Variants in SEC61A2 observed in about 807,000 individuals in gnomAD.
SEC61A2 encodes SEC61 translocon subunit alpha 2, also known as protein transport protein Sec61 subunit alpha isoform 2.
Under a neutral mutation model 59.9 loss-of-function variants are expected in SEC61A2, and 28 were observed. That is an observed-to-expected ratio of 0.47 (90% CI 0.35 to 0.64). The LOEUF (loss-of-function observed/expected upper bound fraction) is 0.64, where lower values mean the gene tolerates loss of function less well. Ranked by LOEUF, SEC61A2 falls within the 30% of genes least tolerant of loss-of-function variation. SEC61A2 has a pLI of 0.01. For synonymous variants in SEC61A2, 202 were observed against 214.4 expected, an observed-to-expected ratio of 0.94 and a Z score of 0.50; for missense variants, 340 against 585.9, an observed-to-expected ratio of 0.58 and a Z score of 4.33.
intron 2 of SEC61A2, among the ~76,000 whole-genome samples, chr10:12,135,189 A>G (rs1833857853): frequency 6.6e-6 from 1 of 152,016 alleles, no homozygotes; most frequent in Non-Finnish European, 1.5e-5. Flanking sequence ...TAGGACAAAT[A>G]CTAATGCATG....
In SEC61A2 at chr10:12,160,760, A is replaced by G. The variant is rs1366638075; in HGVS notation, c.976-170A>G. Among the ~76,000 whole-genome samples, 1 of 152,244 alleles carries G rather than the reference A, an allele frequency of 6.6e-6. No individual in the cohort carries two copies. The highest frequency in any genetic ancestry group is 1.5e-5 in the Non-Finnish European group (1 of 68,042). ...AATAGGTGTTCATCGTATAACTTTG[A>G]AGGAGTGAAGGTAGTAGACACAAAA... On this transcript the variant is annotated intron_variant, in intron 9 of 11. Transcript: ENST00000298428. This position sits in a 1 kb window ranked among gnomAD's most constrained non-coding sequence, Gnocchi z 4.1.
chr10:12,133,594 G>T (rs796509877), intron 2 of SEC61A2, among the ~76,000 whole-genome samples: 1 of 152,230 alleles, frequency 6.6e-6, no homozygotes, highest in Non-Finnish European at 1.5e-5. Flanking sequence ...TCTCCTGTCT[G>T]TAGTGATCCT....
rs1588643745 is a variant in SEC61A2 at position 12,157,034 on chromosome 10, A to T, written c.744A>T (p.Thr248=). Residue 248 remains threonine, a synonymous_variant, in exon 8 of 12, where the codon ACA becomes ACT. Transcript: ENST00000298428. The stretch of plus-strand genomic sequence containing the variant: ...CCAATCTCATGAACCTCATTGCTAC[A>T]GTTTTTGTGTTTGCTGTTGTTATAT... ...NLPNLMNLIA[T]VFVFAVVIYF... is the part of the protein sequence containing the mutation. 2.5e-6 allele frequency: 4 copies of T among 1,614,134 alleles called. No homozygotes were observed. Among genetic ancestry groups the T allele is most frequent in the Non-Finnish European group, 3.4e-6 (4 of 1,180,018 alleles).
chr10:12,135,864 A>G (rs1833870361), intron 2 of SEC61A2, among the ~76,000 whole-genome samples: 1 of 152,198 alleles, frequency 6.6e-6, no homozygotes, highest in African/African-American at 2.4e-5. Context: ...TCCAGTCATC[A>G]AGAAGCATCT....
chr10:12,129,775 C>G lies in SEC61A2; in HGVS notation c.-13C>G, dbSNP rs1833683872. 1 of 1,486,198 alleles carries G rather than the reference C, an allele frequency of 6.7e-7. No homozygotes were observed. The highest frequency in any genetic ancestry group is 1.3e-5 in the South Asian group (1 of 78,464). 92.1% of individuals were successfully genotyped at this position (1,486,198 alleles called of 1,614,324 possible). A position where few individuals can be genotyped will look rare whatever the true frequency, so the allele number is the denominator to read the frequency against. On this transcript the variant is annotated 5_prime_UTR_variant, in exon 1 of 12. Coordinates refer to ENST00000298428, the MANE Select transcript of SEC61A2 (RefSeq NM_018144.4). This position sits in a 1 kb window ranked among gnomAD's most constrained non-coding sequence, Gnocchi z 5.6. ...AGGCCGCGGTTTCCCCCTGGGCCTCCCCAGCAGCAGCCATGGGCAGTGAGT... is the reference window on the plus strand; with the variant it reads ...AGGCCGCGGTTTCCCCCTGGGCCTCGCCAGCAGCAGCCATGGGCAGTGAGT...
chr10:12,165,502 T>C (rs1329815618), downstream of SEC61A2: 3 of 323,018 alleles, frequency 9.3e-6, no homozygotes, highest in African/African-American at 6.8e-5. Context: ...CTTCAAACTT[T>C]AATCCTAAAT....
In SEC61A2 at chr10:12,155,209, C is replaced by T; in HGVS notation, c.463-569C>T. 1 of 723,106 alleles carries T rather than the reference C, an allele frequency of 1.4e-6. No individual in the cohort carries two copies. The highest frequency in any genetic ancestry group is 2.0e-6 in the Non-Finnish European group (1 of 507,862). The allele number at this position is 723,106 out of a possible 1,614,324, so 44.8% of individuals were successfully genotyped here. ...TATAGAATGCATTTTTACATTGCTG[C>T]TCGAGTACGTATTTGAGTACATATT... On this transcript the variant is annotated intron_variant, in intron 6 of 11. Transcript: ENST00000298428. This position sits in a 1 kb window ranked among gnomAD's most constrained non-coding sequence, Gnocchi z 4.3.
In SEC61A2 at chr10:12,155,654, G is replaced by A. The variant is rs1273555646; in HGVS notation, c.463-124G>A. ...AAAAGATGCAGTTGGTCATCACAGTGAGATTGCAACGATCAGGCCTTAATA... is the reference window on the plus strand; with the variant it reads ...AAAAGATGCAGTTGGTCATCACAGTAAGATTGCAACGATCAGGCCTTAATA... On this transcript the variant is annotated intron_variant, in intron 6 of 11. Coordinates refer to ENST00000298428, the MANE Select transcript of SEC61A2 (RefSeq NM_018144.4). The surrounding 1 kb of genome is among the most constrained non-coding windows in gnomAD (Gnocchi z 4.3). The A allele has an allele frequency of 3.6e-6, 4 of 1,116,082 alleles. No homozygotes were observed. The highest frequency in any genetic ancestry group is 5.3e-6 in the Non-Finnish European group (4 of 758,524). The allele number at this position is 1,116,082 out of a possible 1,614,324, so 69.1% of individuals were successfully genotyped here. A position where few individuals can be genotyped will look rare whatever the true frequency, so the allele number is the denominator to read the frequency against.
intron 1 of SEC61A2, among the ~76,000 whole-genome samples, chr10:12,132,906 G>A (rs1833793196): frequency 6.6e-6 from 1 of 152,178 alleles, no homozygotes; most frequent in African/African-American, 2.4e-5. Context: ...ATACAAGTGT[G>A]AGGAAGAAAG....
In SEC61A2 at chr10:12,162,254, C is replaced by T. The variant is rs572292735; in HGVS notation, c.1209C>T (p.Gly403=). ...QLKEQQMVMR[G]HRDTSMVHEL... ...AAGAACAGCAGATGGTAATGAGGGGCCACCGAGATACCTCTATGGTTCATG... is the reference window on the plus strand; with the variant it reads ...AAGAACAGCAGATGGTAATGAGGGGTCACCGAGATACCTCTATGGTTCATG... The change falls in exon 11 of 12, where the codon GGC becomes GGT. Residue 403 remains glycine (G), a synonymous_variant. Coordinates refer to ENST00000298428, the MANE Select transcript of SEC61A2 (RefSeq NM_018144.4). The surrounding 1 kb of genome is among the most constrained non-coding windows in gnomAD (Gnocchi z 6.1). 2.6e-5 allele frequency: 42 copies of T among 1,613,764 alleles called. 1 individual carries two copies. In the Middle Eastern group the frequency reaches 8.2e-4, roughly 32 times the overall value.
intron 2 of SEC61A2, among the ~76,000 whole-genome samples, chr10:12,133,838 C>G (rs927692205): frequency 6.6e-6 from 1 of 152,208 alleles, no homozygotes; most frequent in South Asian, 2.1e-4. Flanking sequence ...TCCATCATTG[C>G]AAACTTTCAG....
rs760023671 is a variant in SEC61A2, at chr10:12,156,982, G to A, written c.692G>A (p.Arg231Gln). Residue 231 changes from arginine to glutamine, a missense_variant, in exon 8 of 12, where the codon CGG becomes CAG. This residue lies in a region of SEC61A2 where 283 missense variants were observed against 483.2 expected (regional missense o/e 0.59). Transcript: ENST00000298428. This position sits in a 1 kb window ranked among gnomAD's most constrained non-coding sequence, Gnocchi z 5.2. Reference sequence around the variant, plus strand: ...AGGACGGACAAAGTCCGAGCTTTACGGGAGGCTTTTTATCGGCAGAACTTA... The same window carrying A: ...AGGACGGACAAAGTCCGAGCTTTACAGGAGGCTTTTTATCGGCAGAACTTA... ...ATRTDKVRAL[R>Q]EAFYRQNLPN... The A allele has an allele frequency of 1.1e-5, 17 of 1,614,050 alleles. No individual in the cohort carries two copies. Among genetic ancestry groups the A allele is most frequent in the East Asian group, 2.2e-5 (1 of 44,882 alleles).
rs556256074 is a variant in SEC61A2 at position 12,140,065 on chromosome 10, T to C, written c.142-3052T>C. Among the ~76,000 whole-genome samples, 6 of 152,234 alleles carry C rather than the reference T, an allele frequency of 3.9e-5. No individual in the cohort carries two copies. In the East Asian group the frequency reaches 1.2e-3, roughly 29 times the overall value. ...CAGGGGTGTGGGCAGTGAGCTTTTG[T>C]AGCAGAAGTAAAGAATTGCAGAAGT... On this transcript the variant is annotated intron_variant, in intron 3 of 11. Coordinates refer to ENST00000298428, the MANE Select transcript of SEC61A2 (RefSeq NM_018144.4).
chr10:12,135,567 G>A (rs1412494295), intron 2 of SEC61A2, among the ~76,000 whole-genome samples: 2 of 152,104 alleles, frequency 1.3e-5, no homozygotes, highest in South Asian at 2.1e-4. Context: ...CCCAGATAAC[G>A]TTCATTGTAC....
At position 12,149,769 on chromosome 10, in the gene SEC61A2, G is replaced by C; in HGVS notation, c.352+43G>C. 1.2e-6 allele frequency: 2 copies of C among 1,606,068 alleles called. No individual in the cohort carries two copies. The highest frequency in any genetic ancestry group is 1.7e-6 in the Non-Finnish European group (2 of 1,175,528). On this transcript the variant is annotated intron_variant, in intron 5 of 11. Transcript: ENST00000298428. The surrounding 1 kb of genome is among the most constrained non-coding windows in gnomAD (Gnocchi z 5.2). Reference sequence around the variant, plus strand: ...TAAAGAGCATTCTCCAAATTTGAGAGTGCTCGTGGTAAAGATGTTTTCTCT... The same window carrying C: ...TAAAGAGCATTCTCCAAATTTGAGACTGCTCGTGGTAAAGATGTTTTCTCT...
At position 12,162,514 on chromosome 10, in the gene SEC61A2, G is replaced by C; in HGVS notation, c.1244+225G>C. 1 of 711,884 alleles carries C rather than the reference G, an allele frequency of 1.4e-6. No individual in the cohort carries two copies. Among genetic ancestry groups the C allele is most frequent in the Non-Finnish European group, 2.6e-6 (1 of 383,352 alleles). The allele number at this position is 711,884 out of a possible 1,614,324, so 44.1% of individuals were successfully genotyped here. On this transcript the variant is annotated intron_variant, in intron 11 of 11. Coordinates refer to ENST00000298428, the MANE Select transcript of SEC61A2 (RefSeq NM_018144.4). The surrounding 1 kb of genome is among the most constrained non-coding windows in gnomAD (Gnocchi z 6.1). ...CTCATCCCAGTGATAAAATCTTGCA[G>C]ATCAGTGCTGTTCTCAGCATTGGCT... is the stretch of plus-strand genomic sequence containing the variant.
intron 2 of SEC61A2, among the ~76,000 whole-genome samples, chr10:12,134,229 G>C (rs11257554): frequency 0.016 from 1,838 of 111,976 alleles, 25 homozygotes; most frequent in East Asian, 0.1. Flanking sequence ...GGATGGTCTC[G>C]ATCTCCTGAC....
Position 12,161,990 on chromosome 10 carries a change from A to G in SEC61A2, c.1168-223A>G, listed in dbSNP as rs1382505907. Among the ~76,000 whole-genome samples, 1 of 152,156 alleles carries G rather than the reference A, an allele frequency of 6.6e-6. No homozygotes were observed. The highest frequency in any genetic ancestry group is 1.5e-5 in the Non-Finnish European group (1 of 68,038). On this transcript the variant is annotated intron_variant, in intron 10 of 11. Transcript: ENST00000298428. This position sits in a 1 kb window ranked among gnomAD's most constrained non-coding sequence, Gnocchi z 5.4. ...CTGCAAAACAAAATCTTGTTTGGTAATTGAAGAAGGGTTGAGAAGCACCGG... is the reference window on the plus strand; with the variant it reads ...CTGCAAAACAAAATCTTGTTTGGTAGTTGAAGAAGGGTTGAGAAGCACCGG...
rs1834073875 is a variant in SEC61A2, at chr10:12,143,617, C to A, written c.220+422C>A. 6.6e-6 allele frequency among the ~76,000 whole-genome samples: 1 copy of A among 152,092 alleles called. No individual in the cohort carries two copies. Among genetic ancestry groups the A allele is most frequent in the Non-Finnish European group, 1.5e-5 (1 of 68,012 alleles). ...AGGTGTGGGTATGCACCTGTAATCCCAGCTACTCAGGAGGCTGAGGTAAGA... is the reference window on the plus strand; with the variant it reads ...AGGTGTGGGTATGCACCTGTAATCCAAGCTACTCAGGAGGCTGAGGTAAGA... On this transcript the variant is annotated intron_variant, in intron 4 of 11. Coordinates refer to ENST00000298428, the MANE Select transcript of SEC61A2 (RefSeq NM_018144.4). The surrounding 1 kb of genome is among the most constrained non-coding windows in gnomAD (Gnocchi z 4.8).
Sources: gnomAD v4.1 joint callset for allele counts (sites outside exome capture counted in the v4.1 genomes callset) on GRCh38, gnomAD v4.1.1 for gene constraint, gnomAD v4.1.1 regional missense constraint, Gnocchi (gnomAD v3.1) non-coding constraint, MANE v1.5 for transcripts, NCBI Gene and HGNC (gene_info 2026-07-23, HGNC 2026-07-21) for gene names.